The following DPP10 variants were observed in gnomAD, a reference collection of about 807,000 sequenced individuals.
DPP10 encodes inactive dipeptidyl peptidase 10.
Under a neutral mutation model 120.9 loss-of-function variants are expected in DPP10, and 33 were observed. The observed-to-expected ratio is 0.27, with a 90% confidence interval of 0.21 to 0.37. DPP10 has a LOEUF of 0.37. DPP10 is among the 10% of genes least tolerant of loss of function. DPP10 has a pLI of 1.00. For synonymous variants in DPP10, 337 were observed against 326.1 expected, an observed-to-expected ratio of 1.03 and a Z score of -0.36; for missense variants, 816 against 942.8, an observed-to-expected ratio of 0.87 and a Z score of 1.76.
rs191694942 is a variant in DPP10, at chr2:115,142,696, T to C, written c.61-166543T>C. Among the ~76,000 whole-genome samples, 19 of 152,284 alleles carry C rather than the reference T, an allele frequency of 1.2e-4. No homozygotes were observed. In the East Asian group the frequency reaches 3.7e-3, roughly 29 times the overall value. ...CTTCTGAAGATGCTGTATATCTTTC[T>C]CTATCAGGACCCAGGGAAGTTGGGT... On this transcript the variant is annotated intron_variant, in intron 1 of 25. Transcript: ENST00000410059.
intron 1 of DPP10, among the ~76,000 whole-genome samples, chr2:114,752,121 T>A (rs762378026): frequency 3.2e-4 from 49 of 151,802 alleles, no homozygotes; most frequent in Non-Finnish European, 5.0e-4. Flanking sequence ...ATGATGCCAA[T>A]GGTCAGGGTC....
chr2:114,739,406 C>G (rs1346149942), intron 1 of DPP10, among the ~76,000 whole-genome samples: 1 of 152,138 alleles, frequency 6.6e-6, no homozygotes, highest in Non-Finnish European at 1.5e-5. Context: ...CACCTGTAAT[C>G]CCAGCACTGT....
intron 7 of DPP10, among the ~76,000 whole-genome samples, chr2:115,693,662 C>G (rs1003889328): frequency 2.0e-5 from 3 of 151,796 alleles, no homozygotes; most frequent in Non-Finnish European, 1.5e-5. Flanking sequence ...GTTATTGATT[C>G]CTTATTTTTT....
chr2:115,641,056 A>AT (rs1324754819), intron 5 of DPP10, among the ~76,000 whole-genome samples: 2 of 152,212 alleles, frequency 1.3e-5, no homozygotes, highest in Non-Finnish European at 2.9e-5. Context: ...AATATGTATT[A>AT]TATGATATAC....
At position 114,504,702 on chromosome 2, in the gene DPP10, A is replaced by T. The variant is rs540596633; in HGVS notation, c.60+61864A>T. On this transcript the variant is annotated intron_variant, in intron 1 of 25. Transcript: ENST00000410059. ...TGTTGTTAAATGTTGATATCACCCT[A>T]TTGGGGAAGATTCTTCCTCTACCCT... 1.6e-4 allele frequency among the ~76,000 whole-genome samples: 25 copies of T among 152,222 alleles called. No individual in the cohort carries two copies. The South Asian group carries it at 5.2e-3, about 32-fold the overall frequency.
At chr2:114,498,995 G>A (rs572209262) in intron 1 of DPP10, among the ~76,000 whole-genome samples, 1 of 152,198 alleles carries the variant, frequency 6.6e-6, no homozygotes, top group Non-Finnish European at 1.5e-5. Context: ...CTATTATCTA[G>A]CACAACATTT....
At chr2:115,360,875 G>A (rs1289042536) in intron 3 of DPP10, among the ~76,000 whole-genome samples, 1 of 152,170 alleles carries the variant, frequency 6.6e-6, no homozygotes, top group Non-Finnish European at 1.5e-5. Context: ...ATCCCAGGAA[G>A]GGCAGTGTTG....
intron 5 of DPP10, among the ~76,000 whole-genome samples, chr2:115,659,137 T>C (rs1175652807): frequency 6.6e-6 from 1 of 152,138 alleles, no homozygotes; most frequent in Admixed American, 6.6e-5. Context: ...TCTTGTCTTC[T>C]CTTGCCTTTC....
At chr2:115,725,757 T>C (rs1378734903) in intron 7 of DPP10, among the ~76,000 whole-genome samples, 2 of 152,216 alleles carry the variant, frequency 1.3e-5, no homozygotes, top group East Asian at 3.8e-4. Flanking sequence ...TGTGCTGTTA[T>C]GACTCACAAG....
At chr2:114,510,378 G>C (rs1394185011) in intron 1 of DPP10, among the ~76,000 whole-genome samples, 1 of 152,114 alleles carries the variant, frequency 6.6e-6, no homozygotes, top group African/African-American at 2.4e-5. Context: ...GGCCAAGGTG[G>C]GTGGATCACG....
At chr2:115,342,536 T>TAA (rs2063502330) in intron 2 of DPP10, among the ~76,000 whole-genome samples, 1 of 152,136 alleles carries the variant, frequency 6.6e-6, no homozygotes, top group Non-Finnish European at 1.5e-5. Context: ...TATGTTTTGT[T>TAA]AAGCATGTGC....
intron 1 of DPP10, among the ~76,000 whole-genome samples, chr2:115,294,861 C>A (rs2060814542): frequency 6.6e-6 from 1 of 152,040 alleles, no homozygotes; most frequent in Admixed American, 6.6e-5. Flanking sequence ...GGTTGGTTAT[C>A]TCTTCCTGGC....
At position 115,216,023 on chromosome 2, in the gene DPP10, G is replaced by A. The variant is rs59001095; in HGVS notation, c.61-93216G>A. On this transcript the variant is annotated intron_variant, in intron 1 of 25. Coordinates refer to ENST00000410059, the MANE Select transcript of DPP10 (RefSeq NM_020868.6). ...TGCAGCACCATGGAGGGAACTGGAG[G>A]CCATTATCTTAAGTGAGATAACTCA... Among the ~76,000 whole-genome samples the A allele has an allele frequency of 3.6e-3, 555 of 152,232 alleles. 2 individuals carry two copies. The highest frequency in any genetic ancestry group is 0.013 in the African/African-American group (542 of 41,534).
At chr2:115,133,145 G>GTATATATATATATA (rs1246180843) in intron 1 of DPP10, among the ~76,000 whole-genome samples, 558 of 28,602 alleles carry the variant, frequency 0.02, 12 homozygotes, top group Non-Finnish European at 0.024. Context: ...GTGTGTGTGT[G>GTATATATATATATA]TATATATATA....
At chr2:114,540,967 GTCACAGCTTAAC>G (rs1686902590) in intron 1 of DPP10, among the ~76,000 whole-genome samples, 2 of 152,066 alleles carry the variant, frequency 1.3e-5, no homozygotes, top group African/African-American at 2.4e-5. Flanking sequence ...CTCCACTCCC[GTCACAGCTTAAC>G]TCCAATCTCT....
intron 1 of DPP10, among the ~76,000 whole-genome samples, chr2:114,498,666 T>C (rs996828391): frequency 5.9e-5 from 9 of 152,126 alleles, no homozygotes; most frequent in Non-Finnish European, 1.3e-4. Context: ...CCAAACTAAT[T>C]ATTTTATTAG....
intron 1 of DPP10, among the ~76,000 whole-genome samples, chr2:115,015,191 T>G (rs1215994972): frequency 6.6e-6 from 1 of 152,168 alleles, no homozygotes; most frequent in Non-Finnish European, 1.5e-5. Context: ...GCAAGGCTGA[T>G]TCAACATATG....
chr2:115,383,906 C>CT (rs1313184846), intron 3 of DPP10, among the ~76,000 whole-genome samples: 1 of 152,072 alleles, frequency 6.6e-6, no homozygotes, highest in African/African-American at 2.4e-5. Flanking sequence ...ACTGCTGTAT[C>CT]TTTTTAAAAA....
chr2:114,544,994 G>A (rs1248021982), intron 1 of DPP10, among the ~76,000 whole-genome samples: 2 of 151,894 alleles, frequency 1.3e-5, no homozygotes, highest in African/African-American at 2.4e-5. Context: ...TGGGATTACA[G>A]GCGCCCGCCA....
Sources: allele counts gnomAD v4.1 joint callset (sites outside exome capture counted in the v4.1 genomes callset), GRCh38; gene constraint gnomAD v4.1.1; transcripts MANE v1.5; gene names NCBI Gene and HGNC (gene_info 2026-07-23, HGNC 2026-07-21).